NCKAP1: variants seen among roughly 807,000 people sequenced by gnomAD.
NCKAP1 encodes NCK associated protein 1.
A neutral mutation model predicts 151.2 loss-of-function variants in NCKAP1; 21 were observed. That is an observed-to-expected ratio of 0.14 (90% CI 0.10 to 0.20). The LOEUF is 0.20. Ranked by LOEUF, NCKAP1 falls within the 10% of genes least tolerant of loss-of-function variation. The pLI, the probability that NCKAP1 is intolerant of heterozygous loss-of-function variation, is 1.00. For missense variants in NCKAP1, 933 were observed against 1,352.1 expected (o/e 0.69, Z 4.86); for synonymous variants, 484 against 451.8 (o/e 1.07, Z -0.90).
intron 17 of NCKAP1, among the ~76,000 whole-genome samples, chr2:182,964,310 T>C (rs1318407770): frequency 2.0e-5 from 3 of 152,182 alleles, no homozygotes; most frequent in African/African-American, 4.8e-5. Context: ...GACTTGTTTA[T>C]GCTTATTCAG....
intron 16 of NCKAP1, 78 bp downstream of exon 16, chr2:182,967,138 C>T (rs1697588478): frequency 7.3e-7 from 1 of 1,367,434 alleles, no homozygotes; most frequent in African/African-American, 1.5e-5. Context: ...AAGGACTATG[C>T]TAACACAAAA....
chr2:182,943,643 GA>G (rs202245847), intron 23 of NCKAP1, among the ~76,000 whole-genome samples: 11 of 143,774 alleles, frequency 7.7e-5, no homozygotes, highest in Middle Eastern at 3.7e-3. Flanking sequence ...TCACTAAAAG[GA>G]AAAAAAAAAC....
intron 20 of NCKAP1, among the ~76,000 whole-genome samples, chr2:182,953,997 C>A (rs567153201): frequency 2.8e-4 from 43 of 152,174 alleles, no homozygotes; most frequent in African/African-American, 9.9e-4. Context: ...TGTTAGGTGC[C>A]AGTAGTTTTT....
At chr2:182,994,127 G>A (rs1281788030) in intron 8 of NCKAP1, among the ~76,000 whole-genome samples, 1 of 152,144 alleles carries the variant, frequency 6.6e-6, no homozygotes, top group East Asian at 1.9e-4. Context: ...AAACATACGA[G>A]TAATTTATTA....
At chr2:183,010,486 A>G (rs1698572121) in intron 2 of NCKAP1, among the ~76,000 whole-genome samples, 1 of 152,246 alleles carries the variant, frequency 6.6e-6, no homozygotes, top group Non-Finnish European at 1.5e-5. Flanking sequence ...CAGAATCATA[A>G]GAAACAAGCT....
chr2:182,981,352 G>A lies in NCKAP1; in HGVS notation c.1233C>T (p.Tyr411=), dbSNP rs1697934124. 2 of 1,611,896 alleles carry A rather than the reference G, an allele frequency of 1.2e-6. No individual in the cohort carries two copies. Among genetic ancestry groups the A allele is most frequent in the Non-Finnish European group, 1.7e-6 (2 of 1,178,450 alleles). The change falls in exon 13 of 31, where the codon TAC becomes TAT. Residue 411 remains tyrosine (Y), a synonymous_variant. Coordinates refer to ENST00000361354, the MANE Select transcript of NCKAP1 (RefSeq NM_013436.5). ...IDKHIAELIF[Y]MEELRAHVRK... ...TCACATGTGCTCTAAGTTCTTCCAT[G>A]TAAAATATTAATTCAGCAATGTGCC...
intron 1 of NCKAP1, among the ~76,000 whole-genome samples, chr2:183,036,973 T>A (rs1204734897): frequency 6.6e-6 from 1 of 152,230 alleles, no homozygotes; most frequent in East Asian, 1.9e-4. Flanking sequence ...TGGATCTAAA[T>A]TTTCCAAATA....
chr2:183,021,675 A>T (rs1698800339), intron 2 of NCKAP1, among the ~76,000 whole-genome samples: 1 of 152,138 alleles, frequency 6.6e-6, no homozygotes, highest in African/African-American at 2.4e-5. Context: ...TATTACGTTA[A>T]ATGACAGAAA....
chr2:182,959,067 A>T (rs1223706356), intron 18 of NCKAP1, among the ~76,000 whole-genome samples: 1 of 152,226 alleles, frequency 6.6e-6, no homozygotes, highest in South Asian at 2.1e-4. Context: ...TTTAAATTAC[A>T]TATGTGGTTT....
rs1266036112 is a variant in NCKAP1 at position 182,967,371 on chromosome 2, AC to A, written c.1483-11del. On this transcript the variant is annotated splice_polypyrimidine_tract_variant and intron_variant, in intron 15 of 30. Transcript: ENST00000361354. ...AGACACTAGTATATGCCTATAAAGT[AC>A]AAAAAAAAAAAAGTAGTTCAGGTAA... The A allele has an allele frequency of 1.0e-5, 16 of 1,577,630 alleles. No homozygotes were observed. Among genetic ancestry groups the A allele is most frequent in the East Asian group, 9.0e-5 (4 of 44,426 alleles).
In NCKAP1 at chr2:182,909,982, G is replaced by A. The variant is rs933285794; in HGVS notation, c.*15720C>T. ...TTGGAATGGATGGGGTGGGAATTCA[G>A]TGAAGGCCAAAATACAAAAGAAAAT... On this transcript the variant is annotated 3_prime_UTR_variant, in exon 31 of 31. Transcript: ENST00000361354. 3 of 152,260 alleles carry A rather than the reference G, an allele frequency of 2.0e-5. No homozygotes were observed. The highest frequency in any genetic ancestry group is 7.2e-5 in the African/African-American group (3 of 41,456). The allele number at this position is 152,260 out of a possible 1,614,324, so 9.4% of individuals were successfully genotyped here. A position where few individuals can be genotyped will look rare whatever the true frequency, so the allele number is the denominator to read the frequency against.
chr2:183,000,008 G>C (rs1025877476), intron 6 of NCKAP1, among the ~76,000 whole-genome samples: 2 of 152,168 alleles, frequency 1.3e-5, no homozygotes, highest in Non-Finnish European at 2.9e-5. Context: ...AAGTGGGAAG[G>C]AGAGGGATAA....
chr2:182,957,671 T>C (rs1049123748), intron 18 of NCKAP1, 75 bp from the exon 19 acceptor site: 21 of 1,448,054 alleles, frequency 1.5e-5, no homozygotes, highest in Admixed American at 8.1e-5. Flanking sequence ...AAGCAAACAG[T>C]AGCTGAATCC....
At chr2:182,964,507 A>C (rs1340866282) in intron 17 of NCKAP1, among the ~76,000 whole-genome samples, 169 bp downstream of exon 17, 2 of 152,106 alleles carry the variant, frequency 1.3e-5, no homozygotes, top group Non-Finnish European at 2.9e-5. Flanking sequence ...ATTTATCTAT[A>C]TATATATTAA....
intron 2 of NCKAP1, among the ~76,000 whole-genome samples, chr2:183,011,989 T>C (rs1698597859): frequency 6.6e-6 from 1 of 152,204 alleles, no homozygotes; most frequent in African/African-American, 2.4e-5. Flanking sequence ...GTGAGGGATG[T>C]GTATATACGT....
intron 23 of NCKAP1, 48 bp from the exon 24 acceptor site, chr2:182,942,211 T>C (rs1011761384): frequency 6.4e-6 from 9 of 1,412,590 alleles, no homozygotes; most frequent in Non-Finnish European, 8.9e-6. Context: ...CTCTTTGTGT[T>C]AATGAGATAA....
At position 182,952,780 on chromosome 2, in the gene NCKAP1, T is replaced by C. The variant is rs373960887; in HGVS notation, c.2503+13A>G. ...GTTCTTCATTCTCTAAACTGTGGTA[T>C]AGTACTATTCACCTGATATGTCAGA... On this transcript the variant is annotated intron_variant, in intron 22 of 30. Transcript: ENST00000361354. The C allele has an allele frequency of 1.2e-5, 19 of 1,588,858 alleles. No individual in the cohort carries two copies. Among genetic ancestry groups the C allele is most frequent in the South Asian group, 5.8e-5 (5 of 86,502 alleles).
At chr2:182,972,244 A>C (rs1313159703) in intron 15 of NCKAP1, among the ~76,000 whole-genome samples, 5 of 147,044 alleles carry the variant, frequency 3.4e-5, no homozygotes, top group South Asian at 2.1e-4. Context: ...AAAAAAAAAA[A>C]ACAAAACTGA....
intron 6 of NCKAP1, among the ~76,000 whole-genome samples, chr2:183,000,004 G>T (rs1698347497): frequency 6.6e-6 from 1 of 152,138 alleles, no homozygotes; most frequent in Non-Finnish European, 1.5e-5. Context: ...CCAGAAGTGG[G>T]AAGGAGAGGG....
Sources: gnomAD v4.1 joint callset for allele counts (sites outside exome capture counted in the v4.1 genomes callset) on GRCh38, gnomAD v4.1.1 for gene constraint, MANE v1.5 for transcripts, NCBI Gene and HGNC (gene_info 2026-07-23, HGNC 2026-07-21) for gene names.